SLC41A3: variants seen among roughly 807,000 people sequenced by gnomAD.
The protein encoded by SLC41A3 is SLC41A1-like 2.
In SLC41A3, 44 loss-of-function variants were observed where a neutral mutation model predicts 45.4. The observed-to-expected ratio is 0.97, with a 90% CI of 0.76 to 1.25. SLC41A3 has a LOEUF of 1.25. Ranked by LOEUF, SLC41A3 falls within the 50% of genes most tolerant of loss-of-function variation. SLC41A3 has a pLI of 0.00. For synonymous variants in SLC41A3, 256 were observed against 252.4 expected (o/e 1.01, Z -0.13); for missense variants, 550 against 600.6 (o/e 0.92, Z 0.88).
chr3:126,080,310 T>C (rs1312810562), intron 1 of SLC41A3, among the ~76,000 whole-genome samples: 1 of 152,010 alleles, frequency 6.6e-6, no homozygotes, highest in African/African-American at 2.4e-5. Context: ...AAACCACTCA[T>C]CTCACAAGGG....
intron 10 of SLC41A3, among the ~76,000 whole-genome samples, chr3:126,007,443 G>C (rs1454936129): frequency 1.3e-5 from 2 of 152,160 alleles, no homozygotes; most frequent in African/African-American, 4.8e-5. Context: ...CCTCCCTCTA[G>C]TGGGCCCAGC....
At chr3:126,033,699 C>A (rs1263118428) in intron 3 of SLC41A3, 21 bp from the exon 4 acceptor site, 1 of 1,609,724 alleles carries the variant, frequency 6.2e-7, no homozygotes, top group East Asian at 2.2e-5. Context: ...GAGAAAAGGA[C>A]AAAGGTAGGA....
Position 126,012,604 on chromosome 3 carries a change from ATGACACCCACC to A in SLC41A3, c.1105_1105+10del. ...ATGGCTATCATGGCCTCTGAAAGACATGACACCCACCTGACGTGCAGAAAGTAGAACACGGG... is the reference window on the plus strand; with the variant it reads ...ATGGCTATCATGGCCTCTGAAAGACATGACGTGCAGAAAGTAGAACACGGG... On this transcript the variant is annotated splice_donor_variant and splice_donor_5th_base_variant and coding_sequence_variant and intron_variant, in exon 9 of 11. Coordinates refer to ENST00000360370, the MANE Select transcript of SLC41A3 (RefSeq NM_017836.4). LOFTEE classifies it high-confidence loss of function. 6.2e-7 allele frequency: 1 copy of A among 1,613,956 alleles called. No individual in the cohort carries two copies.
intron 1 of SLC41A3, among the ~76,000 whole-genome samples, chr3:126,074,017 T>C (rs1200458859): frequency 6.6e-6 from 1 of 152,120 alleles, no homozygotes; most frequent in African/African-American, 2.4e-5. Context: ...ATTTCAGGAA[T>C]GCAAAGTTGG....
intron 1 of SLC41A3, among the ~76,000 whole-genome samples, chr3:126,076,905 G>C: frequency 6.6e-6 from 1 of 152,052 alleles, no homozygotes; most frequent in Non-Finnish European, 1.5e-5. Flanking sequence ...CCATGCTGCC[G>C]AATCTATTTT....
chr3:126,009,997 A>G (rs1195998223), intron 9 of SLC41A3, among the ~76,000 whole-genome samples: 1 of 152,244 alleles, frequency 6.6e-6, no homozygotes, highest in Admixed American at 6.5e-5. Context: ...TGAAAGCCCT[A>G]AACATTGTAT....
At chr3:126,019,039 T>C (rs1052362420) in intron 6 of SLC41A3, among the ~76,000 whole-genome samples, 16 of 152,288 alleles carry the variant, frequency 1.1e-4, no homozygotes, top group African/African-American at 3.8e-4. Context: ...ACTGGGTAAT[T>C]CCTAAAGAAA....
At chr3:126,065,863 C>T (rs1944322417) in intron 2 of SLC41A3, among the ~76,000 whole-genome samples, 1 of 152,090 alleles carries the variant, frequency 6.6e-6, no homozygotes, top group Non-Finnish European at 1.5e-5. Context: ...AACAGAAAAA[C>T]ACCCCATAGA....
At chr3:126,062,574 G>A (rs1944128084) in intron 2 of SLC41A3, among the ~76,000 whole-genome samples, 1 of 152,190 alleles carries the variant, frequency 6.6e-6, no homozygotes, top group Non-Finnish European at 1.5e-5. Flanking sequence ...ACTCACAAAG[G>A]CACTCACAAT....
intron 4 of SLC41A3, among the ~76,000 whole-genome samples, chr3:126,028,094 G>A (rs1019261660): frequency 6.6e-6 from 1 of 152,188 alleles, no homozygotes; most frequent in African/African-American, 2.4e-5. Context: ...CGGTAGAAAA[G>A]GCAAACCCAC....
intron 1 of SLC41A3, chr3:126,070,096 A>G (rs189416711): frequency 2.0e-5 from 3 of 152,320 alleles, no homozygotes; most frequent in Admixed American, 1.3e-4. Context: ...TAATTTCCAC[A>G]TCCATAGAGC....
intron 2 of SLC41A3, among the ~76,000 whole-genome samples, 157 bp downstream of exon 2, chr3:126,067,790 G>A (rs1203877290): frequency 6.6e-6 from 1 of 151,658 alleles, no homozygotes; most frequent in Admixed American, 6.6e-5. Flanking sequence ...TCTGTCACCA[G>A]AGACTAAAAG....
At chr3:126,062,993 T>G (rs1944149957) in intron 2 of SLC41A3, among the ~76,000 whole-genome samples, 1 of 152,202 alleles carries the variant, frequency 6.6e-6, no homozygotes, top group African/African-American at 2.4e-5. Context: ...GTAAGTTGTC[T>G]AGGGGCTGCG....
At position 126,050,997 on chromosome 3, in the gene SLC41A3, C is replaced by G. The variant is rs1943296231; in HGVS notation, c.327G>C (p.Leu109=). The change falls in exon 3 of 11, where the codon CTG becomes CTC. Residue 109 remains leucine, a synonymous_variant. Transcript: ENST00000360370. ...TCTCCAGGTTCCCCTTCAGGCCCAC[C>G]AGGGGCGGCACCAATGTCAAAAGGT... The part of the protein sequence containing the change: ...VKDLLTLVPP[L]VGLKGNLEMT... The G allele has an allele frequency of 6.2e-7, 1 of 1,612,590 alleles. No homozygotes were observed. The highest frequency in any genetic ancestry group is 2.2e-5 in the East Asian group (1 of 44,858).
intron 3 of SLC41A3, among the ~76,000 whole-genome samples, chr3:126,046,677 C>T (rs1213520061): frequency 6.6e-6 from 1 of 152,106 alleles, no homozygotes; most frequent in Non-Finnish European, 1.5e-5. Context: ...GATATCAATA[C>T]TAGGCTGGGC....
chr3:126,091,822 C>T (rs1945493092), intron 1 of SLC41A3, among the ~76,000 whole-genome samples: 1 of 152,064 alleles, frequency 6.6e-6, no homozygotes, highest in East Asian at 1.9e-4. Context: ...ATTTTATGGC[C>T]TGCTATCTGT....
rs72981556 is a variant in SLC41A3, at chr3:126,061,140, C to G, written c.273+6807G>C. On this transcript the variant is annotated intron_variant, in intron 2 of 10. Transcript: ENST00000360370. The stretch of plus-strand genomic sequence containing the variant: ...CCAACGCAGCATCCAATTCATTTCT[C>G]AGGGTCACCTTGACCCTCGGCAGGT... 6.6e-3 allele frequency among the ~76,000 whole-genome samples: 1,008 copies of G among 152,356 alleles called. 10 individuals carry two copies. Among genetic ancestry groups the G allele is most frequent in the African/African-American group, 0.023 (948 of 41,572 alleles).
chr3:126,053,836 C>T (rs1943494203), intron 2 of SLC41A3, among the ~76,000 whole-genome samples: 1 of 152,132 alleles, frequency 6.6e-6, no homozygotes, highest in Non-Finnish European at 1.5e-5. Context: ...CTTCTCCTTG[C>T]CACCCGTGTC....
intron 2 of SLC41A3, chr3:126,057,085 G>T: frequency 1.0e-6 from 1 of 990,078 alleles, no homozygotes; most frequent in Non-Finnish European, 1.2e-6. Flanking sequence ...GGAGAGATCA[G>T]CACAGAGGGA....
Sources: allele counts gnomAD v4.1 joint callset (sites outside exome capture counted in the v4.1 genomes callset), GRCh38; gene constraint gnomAD v4.1.1; transcripts MANE v1.5; gene names NCBI Gene and HGNC (gene_info 2026-07-23, HGNC 2026-07-21).